The following MYBPC1 variants were observed in gnomAD, a reference collection of about 807,000 sequenced individuals.
The protein encoded by MYBPC1 is myosin-binding protein C, slow-type.
A neutral mutation model predicts 147.1 loss-of-function variants in MYBPC1; 52 were observed. The ratio of observed to expected loss-of-function variants is 0.35; its 90% CI spans 0.28 to 0.45. The LOEUF (loss-of-function observed/expected upper bound fraction) is 0.45, where lower values mean the gene tolerates loss of function less well. Ranked by LOEUF, MYBPC1 falls within the 20% of genes least tolerant of loss-of-function variation. The pLI is 1.00. For synonymous variants in MYBPC1, 477 were observed against 475.9 expected (o/e 1.00, Z -0.03); for missense variants, 1,228 against 1,440.3 (o/e 0.85, Z 2.39).
chr12:101,657,531 C>T (rs1025844632), intron 18 of MYBPC1, among the ~76,000 whole-genome samples: 87 of 152,140 alleles, frequency 5.7e-4, no homozygotes, highest in African/African-American at 2.1e-3. Context: ...ATCCCATGGA[C>T]ATTAAAAGGA....
intron 10 of MYBPC1, among the ~76,000 whole-genome samples, chr12:101,641,115 GAAAAAAAA>G (rs34380289): frequency 3.8e-5 from 4 of 105,964 alleles, no homozygotes; most frequent in African/African-American, 1.4e-4. Context: ...CTGTCTCAAA[GAAAAAAAA>G]AAAAAAAAAA....
At chr12:101,620,206 T>C (rs1050734509) in intron 3 of MYBPC1, among the ~76,000 whole-genome samples, 2 of 152,226 alleles carry the variant, frequency 1.3e-5, no homozygotes, top group African/African-American at 4.8e-5. Context: ...AGAAATTAGA[T>C]GTGCAAATCT....
intron 8 of MYBPC1, among the ~76,000 whole-genome samples, chr12:101,632,587 A>G (rs891775886): frequency 1.2e-4 from 18 of 152,256 alleles, no homozygotes; most frequent in African/African-American, 3.6e-4. Flanking sequence ...CAGAGTAAAC[A>G]TAGAAGGCCT....
intron 10 of MYBPC1, among the ~76,000 whole-genome samples, chr12:101,641,836 T>A (rs1593843347): frequency 6.6e-6 from 1 of 152,014 alleles, no homozygotes; most frequent in South Asian, 2.1e-4. Context: ...CAATTTTTTT[T>A]TTTTATTTTA....
At chr12:101,676,644 G>A (rs1289321295) in intron 26 of MYBPC1, among the ~76,000 whole-genome samples, 4 of 152,018 alleles carry the variant, frequency 2.6e-5, no homozygotes, top group Non-Finnish European at 5.9e-5. Flanking sequence ...CCAGTTACTC[G>A]GGAGGCTGAG....
Position 101,631,732 on chromosome 12 carries a change from A to T in MYBPC1, c.438+13A>T. The T allele has an allele frequency of 6.2e-7, 1 of 1,613,900 alleles. No individual in the cohort carries two copies. Among genetic ancestry groups the T allele is most frequent in the East Asian group, 2.2e-5 (1 of 44,880 alleles). On this transcript the variant is annotated intron_variant, in intron 7 of 31. Transcript: ENST00000361466. ...GAGGCACAGTCGGGTAAGGCCCTGA[A>T]CTCCCAGGACAGGCGCTCAGCTAGC...
Position 101,666,385 on chromosome 12 carries a change from C to A in MYBPC1, c.2357-1347C>A, listed in dbSNP as rs1474873405. The A allele has an allele frequency of 3.3e-5, 10 of 302,338 alleles. No homozygotes were observed. The Admixed American group carries it at 4.2e-4, about 13-fold the overall frequency. The allele number at this position is 302,338 out of a possible 1,614,324, so 18.7% of individuals were successfully genotyped here. A position where few individuals can be genotyped will look rare whatever the true frequency, so the allele number is the denominator to read the frequency against. ...ACTGTCTCACTGTGCGCTGCTCCCCCGCAGATTCCAGGACCTGCTCCTCTG... is the reference window on the plus strand; with the variant it reads ...ACTGTCTCACTGTGCGCTGCTCCCCAGCAGATTCCAGGACCTGCTCCTCTG... On this transcript the variant is annotated intron_variant, in intron 22 of 31. Coordinates refer to ENST00000361466, the MANE Select transcript of MYBPC1 (RefSeq NM_002465.4).
intron 29 of MYBPC1, among the ~76,000 whole-genome samples, chr12:101,681,644 T>C (rs1951007501): frequency 7.9e-6 from 1 of 125,854 alleles, no homozygotes; most frequent in Non-Finnish European, 1.6e-5. Context: ...GGTCTTGCTC[T>C]GTCACCCAGG....
downstream of MYBPC1, among the ~76,000 whole-genome samples, chr12:101,687,337 C>T (rs375674145): frequency 2.1e-4 from 32 of 151,962 alleles, no homozygotes; most frequent in East Asian, 2.1e-3. Flanking sequence ...GTTTTTTTGT[C>T]CTTGCAATAG....
Position 101,685,618 on chromosome 12 carries a change from T to C in MYBPC1, c.*56T>C. ...TTCTGCAGACTCCTCTTGCAAGGCG[T>C]ACCTCCAAACATAATTGATTCGTAT... On this transcript the variant is annotated 3_prime_UTR_variant, in exon 32 of 32. Coordinates refer to ENST00000361466, the MANE Select transcript of MYBPC1 (RefSeq NM_002465.4). The C allele has an allele frequency of 6.5e-7, 1 of 1,534,932 alleles. No homozygotes were observed. Among genetic ancestry groups the C allele is most frequent in the Non-Finnish European group, 8.7e-7 (1 of 1,145,918 alleles).
intron 17 of MYBPC1, 30 bp from the exon 18 acceptor site, chr12:101,653,085 T>C: frequency 6.2e-7 from 1 of 1,601,708 alleles, no homozygotes; most frequent in Non-Finnish European, 8.5e-7. Flanking sequence ...AATGACTGTC[T>C]GATAACAAAG....
rs140706906 is a variant in MYBPC1 at position 101,603,833 on chromosome 12, A to G, written c.25+8738A>G. Among the ~76,000 whole-genome samples the G allele has an allele frequency of 2.4e-3, 361 of 152,280 alleles. 3 individuals are homozygous for G. The highest frequency in any genetic ancestry group is 8.4e-3 in the African/African-American group (347 of 41,556). On this transcript the variant is annotated intron_variant, in intron 1 of 31. Coordinates refer to ENST00000361466, the MANE Select transcript of MYBPC1 (RefSeq NM_002465.4). Reference sequence around the variant, plus strand: ...ACACCTGTAGTCCCAGCTACTTGGGAGGCTGAAGCAGGAGATTCACTTGAG... The same window carrying G: ...ACACCTGTAGTCCCAGCTACTTGGGGGGCTGAAGCAGGAGATTCACTTGAG...
At chr12:101,617,070 C>T (rs1046192993) in intron 2 of MYBPC1, 132 bp from the exon 3 acceptor site, 29 of 770,098 alleles carry the variant, frequency 3.8e-5, no homozygotes, top group South Asian at 1.7e-4. Flanking sequence ...ATGTACAGCA[C>T]GAGTATTCAG....
chr12:101,652,900 G>A (rs771495539), intron 17 of MYBPC1, 116 bp downstream of exon 17: 1 of 1,081,486 alleles, frequency 9.2e-7, no homozygotes, highest in Non-Finnish European at 1.4e-6. Context: ...TACATCAATT[G>A]GTATTAATCA....
intron 1 of MYBPC1, among the ~76,000 whole-genome samples, chr12:101,596,591 G>A (rs988796900): frequency 2.0e-5 from 3 of 152,052 alleles, no homozygotes; most frequent in African/African-American, 7.2e-5. Flanking sequence ...GAAGAAAGCT[G>A]AAAAACCAAT....
rs1896501574 is a variant in MYBPC1, at chr12:101,661,248, G to A, written c.2018G>A (p.Gly673Asp). The change falls in exon 20 of 32, where the codon GGC (glycine) becomes GAC (aspartate). Residue 673 changes from glycine (G) to aspartate (D), a missense_variant. Physicochemically the swap from Gly to Asp is moderately conservative, Grantham distance 94. Around this residue, in one of 2 missense-constraint regions of MYBPC1, gnomAD observed 1,077 missense variants for 1,314.2 expected, o/e 0.82. Transcript: ENST00000361466. Reference sequence around the variant, plus strand: ...TGGGAGCCTCCTGCCTACGACGGAGGCTCTCCAATCCTAGGTAACTGCATG... The same window carrying A: ...TGGGAGCCTCCTGCCTACGACGGAGACTCTCCAATCCTAGGTAACTGCATG... ...MNWEPPAYDG[G>D]SPILGYFIER... 3 of 1,611,944 alleles carry A rather than the reference G, an allele frequency of 1.9e-6. No homozygotes were observed. The Admixed American group carries it at 5.0e-5, about 27-fold the overall frequency.
downstream of MYBPC1, among the ~76,000 whole-genome samples, chr12:101,688,133 T>C (rs951013671): frequency 9.9e-5 from 15 of 152,284 alleles, no homozygotes; most frequent in East Asian, 9.7e-4. Context: ...TCATTAAAAA[T>C]TTTAGGCTGG....
intron 18 of MYBPC1, among the ~76,000 whole-genome samples, chr12:101,656,442 T>C (rs1339825618): frequency 6.6e-6 from 1 of 152,158 alleles, no homozygotes; most frequent in Non-Finnish European, 1.5e-5. Context: ...CAAAGATATG[T>C]TGACTATAAG....
chr12:101,629,150 T>C (rs1889275153), intron 5 of MYBPC1: 1 of 419,054 alleles, frequency 2.4e-6, no homozygotes, highest in South Asian at 2.1e-5. Context: ...AGCAAAGGAA[T>C]TATTGCCATC....
Sources: gnomAD v4.1 joint callset for allele counts (sites outside exome capture counted in the v4.1 genomes callset) on GRCh38, gnomAD v4.1.1 for gene constraint, gnomAD v4.1.1 regional missense constraint, MANE v1.5 for transcripts, NCBI Gene and HGNC (gene_info 2026-07-23, HGNC 2026-07-21) for gene names.